The following ENOSF1 variants were observed in gnomAD, a reference collection of about 807,000 sequenced individuals.
The protein encoded by ENOSF1 is mitochondrial enolase superfamily member 1.
A neutral mutation model predicts 68.2 loss-of-function variants in ENOSF1; 73 were observed. The observed-to-expected ratio is 1.07, with a 90% confidence interval of 0.89 to 1.30. The LOEUF (loss-of-function observed/expected upper bound fraction) is 1.30, where lower values mean the gene tolerates loss of function less well. Ranked by LOEUF, ENOSF1 falls within the 50% of genes most tolerant of loss-of-function variation. The probability of loss-of-function intolerance (pLI) is 0.00; values close to 1 mark genes in which losing one functional copy is unlikely to be tolerated. For missense variants in ENOSF1, 589 were observed against 554.5 expected (o/e 1.06, Z -0.62); for synonymous variants, 223 against 210.4 (o/e 1.06, Z -0.52).
At chr18:679,287 G>A (rs1449372912) in intron 11 of ENOSF1, among the ~76,000 whole-genome samples, 3 of 143,218 alleles carry the variant, frequency 2.1e-5, no homozygotes, top group Admixed American at 7.4e-5. Flanking sequence ...TTAGCTCACC[G>A]CAACCTCCAC....
intron 2 of ENOSF1, among the ~76,000 whole-genome samples, chr18:698,287 ACAAT>A (rs2077960384): frequency 6.6e-6 from 1 of 152,348 alleles, no homozygotes; most frequent in East Asian, 1.9e-4. Flanking sequence ...AAGTGTTTGA[ACAAT>A]CAGATTCAAA....
intron 7 of ENOSF1, 129 bp from the exon 8 acceptor site, chr18:690,760 C>T (rs2145006591): frequency 1.6e-6 from 2 of 1,249,406 alleles, no homozygotes; most frequent in African/African-American, 3.6e-5. Context: ...ACACACACAC[C>T]CAGCCACAAA....
chr18:677,564 G>C (rs1000391153), intron 13 of ENOSF1, 120 bp from the exon 14 acceptor site: 2 of 1,254,846 alleles, frequency 1.6e-6, no homozygotes, highest in African/African-American at 3.0e-5. Flanking sequence ...TAATATTTAG[G>C]AAGGAAATTC....
At chr18:694,461 T>C in intron 3 of ENOSF1, 127 bp from the exon 4 acceptor site, 2 of 781,788 alleles carry the variant, frequency 2.6e-6, no homozygotes, top group Non-Finnish European at 4.1e-6. Flanking sequence ...TGAAACCCCG[T>C]CTCTACTGAA....
intron 2 of ENOSF1, among the ~76,000 whole-genome samples, chr18:701,005 T>C (rs1371034045): frequency 7.1e-6 from 1 of 140,012 alleles, no homozygotes; most frequent in Non-Finnish European, 1.5e-5. Context: ...ACCCGGGGGG[T>C]TTTCTCTTGT....
chr18:702,931 A>AT (rs1326354806), intron 2 of ENOSF1, among the ~76,000 whole-genome samples: 3 of 152,236 alleles, frequency 2.0e-5, no homozygotes, highest in East Asian at 1.9e-4. Context: ...CAGTAACCCT[A>AT]TTTTTTTAAA....
rs751398112 is a variant in ENOSF1 at position 706,542 on chromosome 18, T to C, written c.121A>G (p.Ile41Val). ...ATTCCATCTTCTGCATCAGTTTCTA[T>C]GACGACATAGGCAGCCGAGTAGTCA... Reference protein sequence around the residue: ...DPDYSAAYVVIETDAEDGIKG... With the variant: ...DPDYSAAYVVVETDAEDGIKG... Residue 41 changes from isoleucine to valine, a missense_variant, in exon 2 of 16, where the codon ATA becomes GTA. Coordinates refer to ENST00000647584, the MANE Select transcript of ENOSF1 (RefSeq NM_017512.7). 1.9e-6 allele frequency: 3 copies of C among 1,613,808 alleles called. No homozygotes were observed. The highest frequency in any genetic ancestry group is 4.5e-5 in the East Asian group (2 of 44,862).
At chr18:669,366 ATTTTTTTTTTTTTT>A, downstream of ENOSF1, 1 of 190,608 alleles carries the variant, frequency 5.2e-6, no homozygotes, top group South Asian at 6.7e-5. Flanking sequence ...GGCCCAGAGG[ATTTTTTTTTTTTTT>A]TTTTTTTTTT....
intron 11 of ENOSF1, among the ~76,000 whole-genome samples, chr18:680,676 G>GTTTTT (rs33931715): frequency 4.4e-4 from 44 of 101,030 alleles, no homozygotes; most frequent in Non-Finnish European, 6.2e-4. Context: ...ATGCTGTTGT[G>GTTTTT]TTTTTTTTTT....
At chr18:684,268 T>G (rs2076409657) in intron 10 of ENOSF1, among the ~76,000 whole-genome samples, 1 of 152,078 alleles carries the variant, frequency 6.6e-6, no homozygotes, top group Non-Finnish European at 1.5e-5. Context: ...GTGCTGGGAT[T>G]ACAGCCATGA....
rs1313043892 is a variant in ENOSF1 at position 712,514 on chromosome 18, G to C, written c.74C>G (p.Ala25Gly). Residue 25 changes from alanine (A) to glycine (G), a missense_variant, in exon 1 of 16, where the codon GCG becomes GGG. Ala to Gly is a moderately conservative substitution (Grantham distance 60). Coordinates refer to ENST00000647584, the MANE Select transcript of ENOSF1 (RefSeq NM_017512.7). ...RFPTSLGGHG[A>G]DAMHTDPDYS... Reference sequence around the variant, plus strand: ...GGCGTCCGCGCTTACCATGGCGTCCGCGCCGTGGCCCCCAAGCGACGTGGG... The same window carrying C: ...GGCGTCCGCGCTTACCATGGCGTCCCCGCCGTGGCCCCCAAGCGACGTGGG... 6.5e-7 allele frequency: 1 copy of C among 1,538,936 alleles called. No individual in the cohort carries two copies. The highest frequency in any genetic ancestry group is 1.4e-5 in the African/African-American group (1 of 72,988).
At position 672,700 on chromosome 18, in the gene ENOSF1, C is replaced by A. The variant is rs971355197; in HGVS notation, c.*1605G>T. The A allele has an allele frequency of 2.0e-5, 14 of 709,976 alleles. No homozygotes were observed. The Admixed American group carries it at 3.9e-4, about 20-fold the overall frequency. The allele number at this position is 709,976 out of a possible 1,614,324, so 44.0% of individuals were successfully genotyped here. On this transcript the variant is annotated 3_prime_UTR_variant, in exon 16 of 16. Transcript: ENST00000647584. Reference sequence around the variant, plus strand: ...TGCAAGAGAACAGCTGGTTGCGCTCCAATCATGTTACATAACCTACGGCAA... The same window carrying A: ...TGCAAGAGAACAGCTGGTTGCGCTCAAATCATGTTACATAACCTACGGCAA...
In ENOSF1 at chr18:688,469, T is replaced by C. The variant is rs2076837272; in HGVS notation, c.653+105A>G. 4 of 1,493,254 alleles carry C rather than the reference T, an allele frequency of 2.7e-6. No individual in the cohort carries two copies. In the South Asian group the frequency reaches 3.5e-5, roughly 13 times the overall value. The allele number at this position is 1,493,254 out of a possible 1,614,324, so 92.5% of individuals were successfully genotyped here. A position where few individuals can be genotyped will look rare whatever the true frequency, so the allele number is the denominator to read the frequency against. On this transcript the variant is annotated intron_variant, in intron 9 of 15. Coordinates refer to ENST00000647584, the MANE Select transcript of ENOSF1 (RefSeq NM_017512.7). ...GCATCCCTATGAGCCAGGGGGATCC[T>C]AGCCCGTGGGTGCCTTTTACTCCTT...
chr18:668,642 A>AGAT (rs1252810174), downstream of ENOSF1, among the ~76,000 whole-genome samples: 7 of 152,324 alleles, frequency 4.6e-5, no homozygotes, highest in East Asian at 1.4e-3. Context: ...ATTCTACATA[A>AGAT]GATACAACAC....
chr18:675,106 T>G (rs1251919584), intron 15 of ENOSF1, among the ~76,000 whole-genome samples: 1 of 152,238 alleles, frequency 6.6e-6, no homozygotes, highest in South Asian at 2.1e-4. Flanking sequence ...GAGGAAAGGC[T>G]AGTATTACAG....
rs1015341246 is a variant in ENOSF1, at chr18:691,262, C to G, written c.438G>C (p.Leu146=). The change falls in exon 6 of 16, where the codon CTG becomes CTC. Residue 146 remains leucine (L), a synonymous_variant. Coordinates refer to ENST00000647584, the MANE Select transcript of ENOSF1 (RefSeq NM_017512.7). ...KLLVDMDPRM[L]VSCIDFRYIT... is the part of the protein sequence containing the mutation. ...TGTACCTGAAATCTATGCAGGATACCAGCATCCTGGGATCCTGGCAACGTG... is the reference window on the plus strand; with the variant it reads ...TGTACCTGAAATCTATGCAGGATACGAGCATCCTGGGATCCTGGCAACGTG... The G allele has an allele frequency of 3.7e-6, 6 of 1,613,932 alleles. No homozygotes were observed. In the African/African-American group the frequency reaches 6.7e-5, roughly 18 times the overall value.
At position 712,495 on chromosome 18, in the gene ENOSF1, C is replaced by T. The variant is rs1164124940; in HGVS notation, c.84+9G>A. 6.6e-7 allele frequency: 1 copy of T among 1,526,134 alleles called. No homozygotes were observed. Among genetic ancestry groups the T allele is most frequent in the African/African-American group, 1.4e-5 (1 of 72,854 alleles). 94.5% of individuals were successfully genotyped at this position (1,526,134 alleles called of 1,614,324 possible). On this transcript the variant is annotated intron_variant, in intron 1 of 15. Transcript: ENST00000647584. Reference sequence around the variant, plus strand: ...TGGCGTCCGCGCTTACCATGGCGTCCGCGCTTACCATGGCGTCCGCGCCGT... The same window carrying T: ...TGGCGTCCGCGCTTACCATGGCGTCTGCGCTTACCATGGCGTCCGCGCCGT...
intron 5 of ENOSF1, chr18:692,597 A>T (rs1327270414): frequency 3.1e-5 from 5 of 162,510 alleles, no homozygotes; most frequent in African/African-American, 6.1e-5. Context: ...AACTCCGTCT[A>T]AAAAAAAAAA....
chr18:690,447 T>G, intron 8 of ENOSF1, 102 bp downstream of exon 8: 1 of 1,254,930 alleles, frequency 8.0e-7, no homozygotes, highest in Non-Finnish European at 1.2e-6. Context: ...ACACATCTGG[T>G]GTCAGAAGTG....
Sources: gnomAD v4.1 joint callset for allele counts (sites outside exome capture counted in the v4.1 genomes callset) on GRCh38, gnomAD v4.1.1 for gene constraint, MANE v1.5 for transcripts, NCBI Gene and HGNC (gene_info 2026-07-23, HGNC 2026-07-21) for gene names.